Variants in FAM178B observed in about 807,000 individuals in gnomAD.
FAM178B encodes the protein family with sequence similarity 178 member B.
A neutral mutation model predicts 91.7 loss-of-function variants in FAM178B; 82 were observed. The observed-to-expected ratio is 0.89, with a 90% CI of 0.75 to 1.07. The LOEUF (loss-of-function observed/expected upper bound fraction) is 1.07, where lower values mean the gene tolerates loss of function less well. Ranked by LOEUF, FAM178B falls within the 50% of genes least tolerant of loss-of-function variation. FAM178B has a pLI of 0.00. For missense variants in FAM178B, 769 were observed against 846.7 expected (o/e 0.91, Z 1.14); for synonymous variants, 368 against 359.4 (o/e 1.02, Z -0.27).
intron 12 of FAM178B, 47 bp from the exon 13 acceptor site, chr2:96,902,754 G>A: frequency 6.9e-7 from 1 of 1,441,820 alleles, no homozygotes; most frequent in Non-Finnish European, 9.5e-7. Context: ...GGAAGTCGGG[G>A]AGCCCGAGCA....
intron 1 of FAM178B, among the ~76,000 whole-genome samples, chr2:96,974,381 C>CAAAAAA (rs1171601429): frequency 2.1e-3 from 34 of 16,114 alleles, no homozygotes; most frequent in Middle Eastern, 0.038. Context: ...GACTCCATCT[C>CAAAAAA]AAAAAAAAAA....
chr2:96,930,572 C>T (rs1426932007), intron 8 of FAM178B, among the ~76,000 whole-genome samples: 1 of 152,218 alleles, frequency 6.6e-6, no homozygotes, highest in East Asian at 1.9e-4. Flanking sequence ...GGGGCCACAT[C>T]TGTGTTGGTC....
intron 13 of FAM178B, among the ~76,000 whole-genome samples, chr2:96,896,216 G>A (rs1486357276): frequency 6.6e-6 from 1 of 152,194 alleles, no homozygotes; most frequent in Non-Finnish European, 1.5e-5. Context: ...GGCTGGGCAG[G>A]GGCGCACAGG....
chr2:96,895,369 C>T (rs529549762), intron 13 of FAM178B, among the ~76,000 whole-genome samples: 4 of 152,230 alleles, frequency 2.6e-5, no homozygotes, highest in Non-Finnish European at 5.9e-5. Context: ...AAGGCCCACA[C>T]ACTGCTTTTG....
intron 1 of FAM178B, 72 bp from the exon 2 acceptor site, chr2:96,972,678 C>G (rs2153375824): frequency 7.0e-7 from 1 of 1,423,094 alleles, no homozygotes; most frequent in South Asian, 1.2e-5. Flanking sequence ...CCGTGATTCC[C>G]ACAGAGGAGG....
intron 12 of FAM178B, among the ~76,000 whole-genome samples, chr2:96,911,740 A>G (rs2081162913): frequency 6.6e-6 from 1 of 152,036 alleles, no homozygotes; most frequent in African/African-American, 2.4e-5. Flanking sequence ...GGTGAGGAGG[A>G]ATGAGCACTG....
intron 13 of FAM178B, among the ~76,000 whole-genome samples, chr2:96,898,719 A>C (rs1397688475): frequency 6.6e-6 from 1 of 152,180 alleles, no homozygotes; most frequent in Non-Finnish European, 1.5e-5. Context: ...TATCTGTAAA[A>C]TATGGATGAC....
intron 4 of FAM178B, among the ~76,000 whole-genome samples, chr2:96,969,540 T>G (rs778180343): frequency 2.0e-5 from 3 of 152,180 alleles, no homozygotes; most frequent in Non-Finnish European, 2.9e-5. Flanking sequence ...CCGAGCTGAC[T>G]AGCACAGAGC....
chr2:96,937,753 C>CG (rs1559084488), intron 8 of FAM178B, among the ~76,000 whole-genome samples: 1 of 152,064 alleles, frequency 6.6e-6, no homozygotes, highest in African/African-American at 2.4e-5. Flanking sequence ...GGGCTGGGCG[C>CG]GGGGGCTCAC....
At chr2:96,981,120 C>G (rs1240415471) in intron 1 of FAM178B, among the ~76,000 whole-genome samples, 2 of 152,172 alleles carry the variant, frequency 1.3e-5, no homozygotes, top group East Asian at 1.9e-4. Flanking sequence ...CACCCGCCAC[C>G]ATGCCCAGTT....
intron 6 of FAM178B, among the ~76,000 whole-genome samples, chr2:96,957,501 C>G (rs2082015838): frequency 6.6e-6 from 1 of 152,132 alleles, no homozygotes; most frequent in Admixed American, 6.5e-5. Context: ...GGTCTGAAAC[C>G]CTCACTCCAG....
intron 9 of FAM178B, among the ~76,000 whole-genome samples, chr2:96,925,586 C>T (rs1261731887): frequency 1.3e-5 from 2 of 152,216 alleles, no homozygotes; most frequent in Non-Finnish European, 2.9e-5. Flanking sequence ...TATCCCTGCT[C>T]CCCTCCTGGG....
At chr2:96,933,631 C>A (rs776838374) in intron 8 of FAM178B, among the ~76,000 whole-genome samples, 1 of 152,118 alleles carries the variant, frequency 6.6e-6, no homozygotes, top group South Asian at 2.1e-4. Flanking sequence ...AGGGCTTTGG[C>A]GGCAGGAGAC....
At chr2:96,888,539 G>A (rs2080584005) in intron 14 of FAM178B, among the ~76,000 whole-genome samples, 1 of 152,236 alleles carries the variant, frequency 6.6e-6, no homozygotes, top group Admixed American at 6.5e-5. Context: ...CTGCCAGAGG[G>A]CAGCGGCCCC....
chr2:96,934,657 T>A (rs377260041), intron 8 of FAM178B, among the ~76,000 whole-genome samples: 39 of 152,354 alleles, frequency 2.6e-4, no homozygotes, highest in East Asian at 1.7e-3. Context: ...CCACTGCCTC[T>A]CCTGAGAAAA....
chr2:96,970,466 C>A (rs963349394), intron 4 of FAM178B, among the ~76,000 whole-genome samples: 1 of 152,174 alleles, frequency 6.6e-6, no homozygotes, highest in African/African-American at 2.4e-5. Flanking sequence ...AGGAGTTGGG[C>A]AGAATGGAGC....
At chr2:96,928,715 G>A (rs1045613430) in intron 9 of FAM178B, among the ~76,000 whole-genome samples, 4 of 152,128 alleles carry the variant, frequency 2.6e-5, no homozygotes, top group African/African-American at 9.7e-5. Context: ...CCATCCTGGG[G>A]GCTTCCCATC....
rs1226987241 is a variant in FAM178B at position 96,905,818 on chromosome 2, GTA to G, written c.1563-3113_1563-3112del. ...TACACAAAAATATACATATATGTGT[GTA>G]TATATATATATATATATATATATAT... On this transcript the variant is annotated intron_variant, in intron 12 of 16. Transcript: ENST00000490605. Among the ~76,000 whole-genome samples, 339 of 34,124 alleles carry G rather than the reference GTA, an allele frequency of 9.9e-3. 2 individuals are homozygous for G. Among genetic ancestry groups the G allele is most frequent in the Middle Eastern group, 0.019 (1 of 52 alleles). The allele number at this position is 34,124 out of a possible 152,430, so 22.4% of individuals were successfully genotyped here. A position where few individuals can be genotyped will look rare whatever the true frequency, so the allele number is the denominator to read the frequency against.
At chr2:96,905,839 TATATATATATATATATATATA>T (rs1359814555) in intron 12 of FAM178B, among the ~76,000 whole-genome samples, 15 of 31,510 alleles carry the variant, frequency 4.8e-4, no homozygotes, top group South Asian at 4.3e-3. Flanking sequence ...TATATATATA[TATATATATATATATATATATA>T]TTTTTTTTTT....
Sources: gnomAD v4.1 joint callset for allele counts (sites outside exome capture counted in the v4.1 genomes callset) on GRCh38, gnomAD v4.1.1 for gene constraint, MANE v1.5 for transcripts, NCBI Gene and HGNC (gene_info 2026-07-23, HGNC 2026-07-21) for gene names.